The following SEMA3A variants were observed in gnomAD, a reference collection of about 807,000 sequenced individuals.
SEMA3A encodes the protein semaphorin 3A.
Under a neutral mutation model 97.9 loss-of-function variants are expected in SEMA3A, and 29 were observed. The observed-to-expected ratio is 0.30, with a 90% CI of 0.22 to 0.40. SEMA3A has a LOEUF of 0.40. Among genes scored for constraint, SEMA3A ranks in the 10% least tolerant of loss-of-function variants. The pLI is 1.00. For missense variants in SEMA3A, 763 were observed against 951.3 expected, an observed-to-expected ratio of 0.80 and a Z score of 2.60; for synonymous variants, 321 against 323.7, an observed-to-expected ratio of 0.99 and a Z score of 0.09.
chr7:84,360,741 C>T (rs1802697236), intron 2 of SEMA3A, among the ~76,000 whole-genome samples: 1 of 151,972 alleles, frequency 6.6e-6, no homozygotes, highest in South Asian at 2.1e-4. Context: ...GTAAACCATA[C>T]ATTTTGGCCA....
chr7:84,056,582 G>GA (rs370553384), intron 5 of SEMA3A, among the ~76,000 whole-genome samples: 14 of 144,276 alleles, frequency 9.7e-5, no homozygotes, highest in Admixed American at 4.9e-4. Flanking sequence ...ACAGAAGGGG[G>GA]AAAAAAAAAA....
intron 1 of SEMA3A, among the ~76,000 whole-genome samples, chr7:84,151,892 G>T (rs1336864243): frequency 6.6e-6 from 1 of 152,108 alleles, no homozygotes. Flanking sequence ...GACATGAACA[G>T]ACACTTCTCA....
chr7:84,491,287 C>T (rs979057239), intron 1 of SEMA3A, among the ~76,000 whole-genome samples: 2 of 151,972 alleles, frequency 1.3e-5, no homozygotes, highest in Admixed American at 6.6e-5. Context: ...ATGTGCATTG[C>T]CTTTTGAGAT....
intron 4 of SEMA3A, among the ~76,000 whole-genome samples, chr7:84,070,169 A>G (rs552430614): frequency 6.6e-6 from 1 of 152,148 alleles, no homozygotes; most frequent in Non-Finnish European, 1.5e-5. Flanking sequence ...CTTTAGCTAT[A>G]CTGATTCTAA....
intron 1 of SEMA3A, among the ~76,000 whole-genome samples, chr7:84,183,057 C>A (rs1264816648): frequency 6.6e-6 from 1 of 152,170 alleles, no homozygotes; most frequent in Non-Finnish European, 1.5e-5. Flanking sequence ...CTAGGCATTA[C>A]TAATCTGCCT....
chr7:84,042,596 C>T (rs1353202431), intron 6 of SEMA3A, among the ~76,000 whole-genome samples: 1 of 152,056 alleles, frequency 6.6e-6, no homozygotes, highest in Non-Finnish European at 1.5e-5. Flanking sequence ...ATACCAAGAA[C>T]TTGCTCAGTG....
intron 15 of SEMA3A, among the ~76,000 whole-genome samples, chr7:83,976,013 C>G (rs1282278266): frequency 6.6e-6 from 1 of 152,018 alleles, no homozygotes; most frequent in Non-Finnish European, 1.5e-5. Context: ...ATAGGAAAGT[C>G]CCTGGTGAGA....
At position 84,442,821 on chromosome 7, in the gene SEMA3A, G is replaced by A. The variant is rs200822141; in HGVS notation, c.-246+49639C>T. 3.3e-5 allele frequency among the ~76,000 whole-genome samples: 5 copies of A among 151,936 alleles called. No individual in the cohort carries two copies. The East Asian group carries it at 9.6e-4, about 29-fold the overall frequency. On this transcript the variant is annotated intron_variant, in intron 1 of 3. Coordinates refer to the SEMA3A transcript ENST00000424555. ...TACTAATAAAAAGTCAGCAGTAGTT[G>A]GATTTAATAATATCAGACAAAATGG...
chr7:84,396,707 A>G (rs977285306), intron 1 of SEMA3A, among the ~76,000 whole-genome samples: 2 of 152,182 alleles, frequency 1.3e-5, no homozygotes, highest in Middle Eastern at 6.8e-3. Context: ...TAGTTGGAAA[A>G]CAATTTCTGC....
chr7:84,062,307 A>T (rs1793253077), intron 4 of SEMA3A, among the ~76,000 whole-genome samples: 1 of 152,212 alleles, frequency 6.6e-6, no homozygotes, highest in Admixed American at 6.5e-5. Context: ...TAGGCATTTA[A>T]ATATTAAAAT....
At chr7:83,977,683 A>G (rs1187017467) in intron 14 of SEMA3A, among the ~76,000 whole-genome samples, 2 of 152,006 alleles carry the variant, frequency 1.3e-5, no homozygotes, top group Non-Finnish European at 2.9e-5. Context: ...GCTTACACAT[A>G]ATTATTTAAA....
chr7:84,221,320 A>G (rs190488283), intron 3 of SEMA3A, among the ~76,000 whole-genome samples: 53 of 152,210 alleles, frequency 3.5e-4, no homozygotes, highest in Admixed American at 5.2e-4. Flanking sequence ...GACCACTAAC[A>G]TTTGCTCCAT....
At chr7:84,220,635 C>T (rs570062546) in intron 3 of SEMA3A, among the ~76,000 whole-genome samples, 1 of 152,266 alleles carries the variant, frequency 6.6e-6, no homozygotes, top group African/African-American at 2.4e-5. Context: ...CAACATTAAT[C>T]TCCTTGCACA....
At chr7:84,430,894 A>T (rs1195227207) in intron 1 of SEMA3A, among the ~76,000 whole-genome samples, 2 of 151,842 alleles carry the variant, frequency 1.3e-5, no homozygotes, top group African/African-American at 4.8e-5. Flanking sequence ...TAAACAACTA[A>T]ACTGTGTAAC....
At chr7:84,241,326 G>A (rs922738492) in intron 3 of SEMA3A, among the ~76,000 whole-genome samples, 1 of 151,976 alleles carries the variant, frequency 6.6e-6, no homozygotes, top group East Asian at 1.9e-4. Flanking sequence ...ATCTCATTAC[G>A]GTTTTGATTT....
chr7:84,065,393 A>G (rs1245899151), intron 4 of SEMA3A, among the ~76,000 whole-genome samples: 1 of 148,626 alleles, frequency 6.7e-6, no homozygotes, highest in African/African-American at 2.5e-5. Flanking sequence ...TTCAAAAGCT[A>G]GCAGAAGGCA....
chr7:84,485,305 A>G (rs992364441), intron 1 of SEMA3A, among the ~76,000 whole-genome samples: 1 of 152,256 alleles, frequency 6.6e-6, no homozygotes, highest in African/African-American at 2.4e-5. Flanking sequence ...AAGTGAAAAA[A>G]TCAAAGTTTT....
chr7:84,001,113 C>G lies in SEMA3A; in HGVS notation c.1452+842G>C, dbSNP rs151291148. Among the ~76,000 whole-genome samples the G allele has an allele frequency of 7.9e-3, 1,191 of 150,892 alleles. 19 individuals are homozygous for G. The highest frequency in any genetic ancestry group is 0.028 in the African/African-American group (1,137 of 41,044). On this transcript the variant is annotated intron_variant, in intron 12 of 16. Coordinates refer to ENST00000265362, the MANE Select transcript of SEMA3A (RefSeq NM_006080.3). Reference sequence around the variant, plus strand: ...ATAAATATCTCAATAGATGTTTGCTCTATTCTTTTATCAAAAAATTCAAAT... The same window carrying G: ...ATAAATATCTCAATAGATGTTTGCTGTATTCTTTTATCAAAAAATTCAAAT...
At chr7:84,242,717 T>C (rs996373810) in intron 3 of SEMA3A, among the ~76,000 whole-genome samples, 4 of 152,176 alleles carry the variant, frequency 2.6e-5, no homozygotes, top group African/African-American at 7.2e-5. Context: ...TGAGCCAATA[T>C]TCAAAGGGAA....
Sources: gnomAD v4.1 joint callset for allele counts (sites outside exome capture counted in the v4.1 genomes callset) on GRCh38, gnomAD v4.1.1 for gene constraint, MANE v1.5 for transcripts, NCBI Gene and HGNC (gene_info 2026-07-23, HGNC 2026-07-21) for gene names.